NR3C2: variants seen among roughly 807,000 people sequenced by gnomAD.
NR3C2 encodes mineralocorticoid receptor.
A neutral mutation model predicts 86.4 loss-of-function variants in NR3C2; 15 were observed. The ratio of observed to expected loss-of-function variants is 0.17; its 90% CI spans 0.12 to 0.27. The LOEUF (loss-of-function observed/expected upper bound fraction) is 0.27, where lower values mean the gene tolerates loss of function less well. Ranked by LOEUF, NR3C2 falls within the 10% of genes least tolerant of loss-of-function variation. The probability of loss-of-function intolerance (pLI) is 1.00; values close to 1 mark genes in which losing one functional copy is unlikely to be tolerated. For missense variants in NR3C2, 960 were observed against 1,195.6 expected (o/e 0.80, Z 2.91); for synonymous variants, 458 against 450.5 (o/e 1.02, Z -0.21).
At chr4:148,122,967 G>A (rs1032960300) in intron 6 of NR3C2, among the ~76,000 whole-genome samples, 6 of 152,152 alleles carry the variant, frequency 3.9e-5, no homozygotes, top group Non-Finnish European at 5.9e-5. Context: ...GACTGCCTGC[G>A]GCGTCGGGCA....
chr4:148,431,740 T>C (rs1265330350), intron 2 of NR3C2, among the ~76,000 whole-genome samples: 1 of 152,190 alleles, frequency 6.6e-6, no homozygotes, highest in Non-Finnish European at 1.5e-5. Flanking sequence ...GCAAGAATCA[T>C]TTTTCCTATT....
chr4:148,385,120 C>T (rs1010932929), intron 2 of NR3C2, among the ~76,000 whole-genome samples: 1 of 152,150 alleles, frequency 6.6e-6, no homozygotes, highest in Admixed American at 6.5e-5. Flanking sequence ...AGGAGATCTT[C>T]CTGTAGTACA....
At position 148,154,651 on chromosome 4, in the gene NR3C2, G is replaced by C; in HGVS notation, c.2265C>G (p.Asp755Glu). The change falls in exon 5 of 9, where the codon GAC becomes GAG. Residue 755 changes from aspartate (D) to glutamate (E), a missense_variant. Around this residue, in one of 4 missense-constraint regions of NR3C2, gnomAD observed 151 missense variants for 296.3 expected, o/e 0.51. Transcript: ENST00000358102. ...TTTCGGCTGTATCTGGTTTTGAGCTGTCATAGCCTGCATATACAATTTCAG... is the reference window on the plus strand; with the variant it reads ...TTTCGGCTGTATCTGGTTTTGAGCTCTCATAGCCTGCATATACAATTTCAG... ...IEPEIVYAGY[D>E]SSKPDTAENL... 6.2e-7 allele frequency: 1 copy of C among 1,614,206 alleles called. No individual in the cohort carries two copies. The highest frequency in any genetic ancestry group is 2.2e-5 in the East Asian group (1 of 44,880).
intron 8 of NR3C2, among the ~76,000 whole-genome samples, chr4:148,107,480 G>A (rs930663396): frequency 3.3e-5 from 5 of 152,134 alleles, no homozygotes; most frequent in Non-Finnish European, 5.9e-5. Flanking sequence ...ATTTGACTCA[G>A]CAATCCCATT....
intron 2 of NR3C2, among the ~76,000 whole-genome samples, chr4:148,417,582 TACTC>T (rs761816822): frequency 1.3e-5 from 2 of 152,212 alleles, no homozygotes; most frequent in African/African-American, 2.4e-5. Flanking sequence ...ACAACAGAAT[TACTC>T]AATCTGAGAG....
At chr4:148,195,032 T>A (rs1736376957) in intron 3 of NR3C2, among the ~76,000 whole-genome samples, 170 bp from the exon 4 acceptor site, 1 of 152,228 alleles carries the variant, frequency 6.6e-6, no homozygotes, top group Admixed American at 6.5e-5. Context: ...GTCAGCTTAA[T>A]GCAGCTGAGA....
At chr4:148,229,654 G>A (rs186852127) in intron 3 of NR3C2, among the ~76,000 whole-genome samples, 30 of 152,262 alleles carry the variant, frequency 2.0e-4, no homozygotes, top group Non-Finnish European at 3.8e-4. Context: ...AGATACTCCT[G>A]TGATAGCCAG....
rs28407287 is a variant in NR3C2, at chr4:148,361,932, G to C, written c.1757+73172C>G. On this transcript the variant is annotated intron_variant, in intron 2 of 8. Transcript: ENST00000358102. The stretch of plus-strand genomic sequence containing the variant: ...GGCTTACTGCAACCTCTGCCTCCCA[G>C]GTTCAAGCAATTCTCCCGCCTCAGC... Among the ~76,000 whole-genome samples the C allele has an allele frequency of 5.9e-3, 892 of 152,304 alleles. 8 individuals carry two copies. The highest frequency in any genetic ancestry group is 0.021 in the African/African-American group (864 of 41,562).
At chr4:148,234,251 A>G (rs894456334) in intron 3 of NR3C2, among the ~76,000 whole-genome samples, 1 of 152,232 alleles carries the variant, frequency 6.6e-6, no homozygotes, top group African/African-American at 2.4e-5. Context: ...GAAGGTGACA[A>G]GTTAAACAAT....
intron 3 of NR3C2, among the ~76,000 whole-genome samples, chr4:148,210,683 A>G (rs1737239525): frequency 1.3e-5 from 2 of 152,230 alleles, no homozygotes; most frequent in South Asian, 4.1e-4. Flanking sequence ...AACCTGTCCT[A>G]TATTGCTGGT....
upstream of NR3C2, chr4:148,442,674 A>G (rs13306590): frequency 4.1e-5 from 40 of 985,376 alleles, no homozygotes; most frequent in East Asian, 1.4e-3. Flanking sequence ...GGCGGGCGAC[A>G]TGACTGATAC....
intron 6 of NR3C2, among the ~76,000 whole-genome samples, chr4:148,143,598 T>C (rs1410315884): frequency 6.6e-6 from 1 of 152,216 alleles, no homozygotes; most frequent in Non-Finnish European, 1.5e-5. Context: ...ACTTATTTCC[T>C]TCTCCCAAGA....
intron 6 of NR3C2, among the ~76,000 whole-genome samples, chr4:148,137,434 T>G (rs1733397356): frequency 6.6e-6 from 1 of 152,094 alleles, no homozygotes; most frequent in Non-Finnish European, 1.5e-5. Flanking sequence ...AATAAGATGA[T>G]TCATACAAAA....
chr4:148,130,059 TA>T (rs1732946533), intron 6 of NR3C2, among the ~76,000 whole-genome samples: 1 of 152,262 alleles, frequency 6.6e-6, no homozygotes, highest in Non-Finnish European at 1.5e-5. Context: ...TTTTTAGTTT[TA>T]CCGTATCTGT....
intron 3 of NR3C2, among the ~76,000 whole-genome samples, chr4:148,238,429 G>C (rs1364151032): frequency 2.6e-5 from 4 of 152,018 alleles, no homozygotes; most frequent in Non-Finnish European, 5.9e-5. Flanking sequence ...CACAGAAATG[G>C]ACCTGAAGTA....
chr4:148,371,373 C>G (rs771367425), intron 2 of NR3C2, among the ~76,000 whole-genome samples: 5 of 152,048 alleles, frequency 3.3e-5, no homozygotes, highest in Non-Finnish European at 7.4e-5. Flanking sequence ...ATAGAAGAGA[C>G]AGCTGATAAA....
intron 3 of NR3C2, among the ~76,000 whole-genome samples, chr4:148,206,150 CAAAG>C (rs1177150082): frequency 6.6e-6 from 1 of 152,024 alleles, no homozygotes. Context: ...TGACTCTTTC[CAAAG>C]AAAGAGTCTT....
At chr4:148,138,430 C>T (rs1481265830) in intron 6 of NR3C2, among the ~76,000 whole-genome samples, 1 of 152,174 alleles carries the variant, frequency 6.6e-6, no homozygotes, top group Admixed American at 6.5e-5. Context: ...GTTGCCCAGG[C>T]TGGAGTGCAG....
At chr4:148,140,999 C>A (rs994020126) in intron 6 of NR3C2, among the ~76,000 whole-genome samples, 3 of 152,148 alleles carry the variant, frequency 2.0e-5, no homozygotes. Flanking sequence ...GTCTGCAAAA[C>A]TGAATCTTTT....
Sources: allele counts gnomAD v4.1 joint callset (sites outside exome capture counted in the v4.1 genomes callset), GRCh38; gene constraint gnomAD v4.1.1; regional missense constraint gnomAD v4.1.1; transcripts MANE v1.5; gene names NCBI Gene and HGNC (gene_info 2026-07-23, HGNC 2026-07-21).